The following RNF10 variants were observed in gnomAD, a reference collection of about 807,000 sequenced individuals.
RNF10 encodes E3 ubiquitin-protein ligase RNF10.
Under a neutral mutation model 91.4 loss-of-function variants are expected in RNF10, and 38 were observed. The observed-to-expected ratio is 0.42, with a 90% CI of 0.32 to 0.54. The LOEUF (loss-of-function observed/expected upper bound fraction) is 0.54, where lower values mean the gene tolerates loss of function less well. Ranked by LOEUF, RNF10 falls within the 20% of genes least tolerant of loss-of-function variation. The pLI is 0.16. For missense variants in RNF10, 945 were observed against 1,012.0 expected, an observed-to-expected ratio of 0.93 and a Z score of 0.90; for synonymous variants, 364 against 366.3, an observed-to-expected ratio of 0.99 and a Z score of 0.07.
intron 1 of RNF10, among the ~76,000 whole-genome samples, chr12:120,546,146 A>G (rs1315133960): frequency 3.3e-5 from 5 of 152,230 alleles, no homozygotes; most frequent in Non-Finnish European, 7.3e-5. Flanking sequence ...TAAAGACATT[A>G]TGGATTGAGA....
rs1366703577 is a variant in RNF10, at chr12:120,574,798, T to G, written c.2143-833T>G. 1.5e-5 allele frequency: 4 copies of G among 271,924 alleles called. No homozygotes were observed. The East Asian group carries it at 4.2e-4, about 28-fold the overall frequency. 16.8% of individuals were successfully genotyped at this position (271,924 alleles called of 1,614,324 possible). ...AAAATTAGCCGGGCGTGGTGGTGCA[T>G]GCCTATAATCCCAGCTACTCAGGAG... On this transcript the variant is annotated intron_variant, in intron 14 of 16. Transcript: ENST00000325954.
chr12:120,550,146 A>G (rs745600077), intron 2 of RNF10, among the ~76,000 whole-genome samples: 1 of 152,216 alleles, frequency 6.6e-6, no homozygotes, highest in Non-Finnish European at 1.5e-5. Flanking sequence ...TCTAAAATCT[A>G]AAAGTTTACC....
intron 6 of RNF10, among the ~76,000 whole-genome samples, chr12:120,559,176 CTTTTTTT>C (rs34120761): frequency 4.2e-5 from 4 of 95,796 alleles, no homozygotes; most frequent in East Asian, 3.1e-4. Context: ...TTGAACTACT[CTTTTTTT>C]TTTTTTTTTT....
At chr12:120,548,639 C>T (rs1313447575) in intron 2 of RNF10, among the ~76,000 whole-genome samples, 1 of 150,116 alleles carries the variant, frequency 6.7e-6, no homozygotes, top group African/African-American at 2.4e-5. Flanking sequence ...GGAATATGAG[C>T]TTGAGGGATT....
At chr12:120,569,224 C>A (rs931282138) in intron 13 of RNF10, among the ~76,000 whole-genome samples, 8 of 152,202 alleles carry the variant, frequency 5.3e-5, no homozygotes, top group African/African-American at 1.9e-4. Flanking sequence ...CAGCTGACCT[C>A]AGGTAATCCA....
chr12:120,557,352 G>T lies in RNF10; in HGVS notation c.716G>T (p.Arg239Leu). 6.2e-7 allele frequency: 1 copy of T among 1,614,142 alleles called. No homozygotes were observed. The highest frequency in any genetic ancestry group is 8.5e-7 in the Non-Finnish European group (1 of 1,180,022). ...CCACCTACTGCAGCCAAGATAACCC[G>T]TTGTGGACACATCTTCTGCTGGGCA... ...LYPPTAAKITRCGHIFCWACI... is the reference protein window; with the variant it reads ...LYPPTAAKITLCGHIFCWACI... The change falls in exon 5 of 17, where the codon CGT (arginine) becomes CTT (leucine). Residue 239 changes from arginine to leucine, a missense_variant. Coordinates refer to ENST00000325954, the MANE Select transcript of RNF10 (RefSeq NM_014868.5).
Position 120,554,780 on chromosome 12 carries a change from T to G in RNF10, c.617T>G (p.Leu206Ter). Residue 206 changes from leucine to a stop codon, truncating the protein, a stop_gained, in exon 4 of 17, where the codon TTA becomes TGA. Transcript: ENST00000325954. LOFTEE classifies it high-confidence loss of function. ...GCTCATTTTGCTGATCCTGATACAT[T>G]AGTTAACTGGGACTTTGTGGAACAA... is the stretch of plus-strand genomic sequence containing the variant. ...YTAHFADPDT[L>*]VNWDFVEQVR... 1 of 1,614,078 alleles carries G rather than the reference T, an allele frequency of 6.2e-7. No homozygotes were observed. The highest frequency in any genetic ancestry group is 8.5e-7 in the Non-Finnish European group (1 of 1,179,930).
At chr12:120,566,107 T>A (rs1165463227) in intron 12 of RNF10, among the ~76,000 whole-genome samples, 1 of 152,164 alleles carries the variant, frequency 6.6e-6, no homozygotes, top group Non-Finnish European at 1.5e-5. Flanking sequence ...GACTTCGGTG[T>A]TTTGACTCCA....
rs1468729462 is a variant in RNF10, at chr12:120,563,002, G to C, written c.1186G>C (p.Val396Leu). The C allele has an allele frequency of 6.2e-7, 1 of 1,614,060 alleles. No homozygotes were observed. The highest frequency in any genetic ancestry group is 1.3e-5 in the African/African-American group (1 of 74,936). The change falls in exon 8 of 17, where the codon GTG (valine) becomes CTG (leucine). Residue 396 changes from valine (V) to leucine (L), a missense_variant. Transcript: ENST00000325954. Reference protein sequence around the residue: ...AGSRREVTGVVAALEQLVLMA... With the variant: ...AGSRREVTGVLAALEQLVLMA... Reference sequence around the variant, plus strand: ...AAGCAGAAGGGAGGTCACTGGTGTTGTGGCTGCTCTGGAACAACTGGTGCT... The same window carrying C: ...AAGCAGAAGGGAGGTCACTGGTGTTCTGGCTGCTCTGGAACAACTGGTGCT...
intron 3 of RNF10, among the ~76,000 whole-genome samples, chr12:120,553,068 T>G (rs1164500462): frequency 2.5e-3 from 11 of 4,368 alleles, no homozygotes; most frequent in African/African-American, 4.4e-3. Context: ...TTTTTTTTTT[T>G]TTTTTTTTTT....
chr12:120,553,831 A>G (rs1245600736), intron 3 of RNF10: 1 of 151,636 alleles, frequency 6.6e-6, no homozygotes, highest in African/African-American at 2.4e-5. Flanking sequence ...TTGACTTTGG[A>G]TCTAGACTGA....
intron 1 of RNF10, among the ~76,000 whole-genome samples, chr12:120,543,678 G>A (rs983388788): frequency 1.3e-5 from 2 of 152,122 alleles, no homozygotes; most frequent in African/African-American, 4.8e-5. Flanking sequence ...TATATGCCTG[G>A]AGTCCCAGCT....
chr12:120,553,668 G>T (rs562712821), intron 3 of RNF10, among the ~76,000 whole-genome samples: 14 of 152,118 alleles, frequency 9.2e-5, no homozygotes, highest in Non-Finnish European at 1.6e-4. Context: ...CTCCCAAAGT[G>T]CTGGGATTAC....
At chr12:120,563,177 G>T in intron 8 of RNF10, 107 bp downstream of exon 8, 1 of 1,538,616 alleles carries the variant, frequency 6.5e-7, no homozygotes, top group Non-Finnish European at 9.0e-7. Context: ...AGGGGACAAT[G>T]AGTATTTTCT....
At chr12:120,559,313 C>T (rs945102916) in intron 6 of RNF10, among the ~76,000 whole-genome samples, 2 of 151,098 alleles carry the variant, frequency 1.3e-5, no homozygotes, top group South Asian at 4.2e-4. Context: ...TCCTGAGTAG[C>T]TGGCATTTCA....
intron 16 of RNF10, among the ~76,000 whole-genome samples, chr12:120,576,357 G>A (rs11612519): frequency 0.15 from 23,500 of 152,218 alleles, 2,206 homozygotes; most frequent in African/African-American, 0.27. Context: ...CAACAACCAC[G>A]TTAAATGGGT....
intron 4 of RNF10, among the ~76,000 whole-genome samples, chr12:120,555,347 A>G (rs1873818307): frequency 6.6e-6 from 1 of 151,268 alleles, no homozygotes; most frequent in Admixed American, 6.6e-5. Flanking sequence ...ACGCCTGGCT[A>G]ATTTTTGTAT....
chr12:120,544,583 A>C (rs1872034459), intron 1 of RNF10, among the ~76,000 whole-genome samples: 1 of 151,592 alleles, frequency 6.6e-6, no homozygotes, highest in Non-Finnish European at 1.5e-5. Flanking sequence ...CTTGAGCCTG[A>C]GAGGTGGAGG....
intron 1 of RNF10, 43 bp downstream of exon 1, chr12:120,535,011 G>C: frequency 6.5e-7 from 1 of 1,536,762 alleles, no homozygotes; most frequent in Non-Finnish European, 8.7e-7. Context: ...GACTGCCCCT[G>C]CTGCTGGGGA....
Sources: allele counts gnomAD v4.1 joint callset (sites outside exome capture counted in the v4.1 genomes callset), GRCh38; gene constraint gnomAD v4.1.1; transcripts MANE v1.5; gene names NCBI Gene and HGNC (gene_info 2026-07-23, HGNC 2026-07-21).